The following TMEM131 variants were observed in gnomAD, a reference collection of about 807,000 sequenced individuals.
TMEM131 encodes 2610524E03Rik.
Under a neutral mutation model 211.6 loss-of-function variants are expected in TMEM131, and 66 were observed. That is an observed-to-expected ratio of 0.31 (90% CI 0.26 to 0.38). The LOEUF (loss-of-function observed/expected upper bound fraction) is 0.38, where lower values mean the gene tolerates loss of function less well. Ranked by LOEUF, TMEM131 falls within the 10% of genes least tolerant of loss-of-function variation. The pLI is 1.00. For missense variants in TMEM131, 2,036 were observed against 2,299.3 expected (o/e 0.89, Z 2.34); for synonymous variants, 844 against 841.3 (o/e 1.00, Z -0.06).
intron 1 of TMEM131, among the ~76,000 whole-genome samples, chr2:97,974,968 A>G (rs543776961): frequency 5.1e-4 from 78 of 152,280 alleles, no homozygotes; most frequent in African/African-American, 1.8e-3. Flanking sequence ...ACTACAACCA[A>G]CCTGACTGAC....
At chr2:97,905,961 T>TTA (rs1255511360) in intron 3 of TMEM131, among the ~76,000 whole-genome samples, 1 of 152,172 alleles carries the variant, frequency 6.6e-6, no homozygotes, top group African/African-American at 2.4e-5. Context: ...TCTGATGAGG[T>TTA]TATAAAGCAT....
rs138236542 is a variant in TMEM131, at chr2:97,921,083, T to C, written c.249+6343A>G. On this transcript the variant is annotated intron_variant, in intron 2 of 40. Coordinates refer to ENST00000186436, the MANE Select transcript of TMEM131 (RefSeq NM_015348.2). ...GACATTACTGAGAAGAATAACAAAGTGTCAGGATTTGTTCTACCAAATATC... is the reference window on the plus strand; with the variant it reads ...GACATTACTGAGAAGAATAACAAAGCGTCAGGATTTGTTCTACCAAATATC... Among the ~76,000 whole-genome samples, 1,050 of 152,004 alleles carry C rather than the reference T, an allele frequency of 6.9e-3. 13 individuals are homozygous for C. Among genetic ancestry groups the C allele is most frequent in the South Asian group, 0.028 (134 of 4,820 alleles).
chr2:97,962,482 C>A (rs1678864228), intron 1 of TMEM131, among the ~76,000 whole-genome samples: 3 of 151,982 alleles, frequency 2.0e-5, no homozygotes, highest in Admixed American at 1.3e-4. Flanking sequence ...CCAGCCTGGG[C>A]AACAGAGTGA....
At chr2:97,772,194 T>C (rs773370187) in intron 33 of TMEM131, 103 bp downstream of exon 33, 1 of 1,470,682 alleles carries the variant, frequency 6.8e-7, no homozygotes, top group Non-Finnish European at 9.2e-7. Context: ...TCAACTCCCC[T>C]AAAAGCCAAC....
chr2:97,813,845 G>C, intron 15 of TMEM131, 126 bp downstream of exon 15: 1 of 756,800 alleles, frequency 1.3e-6, no homozygotes, highest in Non-Finnish European at 2.0e-6. Context: ...AACTGACTAG[G>C]AGAATTAGAT....
intron 28 of TMEM131, among the ~76,000 whole-genome samples, chr2:97,795,706 G>A (rs1032480617): frequency 6.6e-6 from 1 of 152,150 alleles, no homozygotes; most frequent in African/African-American, 2.4e-5. Context: ...AGGGACAGAA[G>A]TTGCATTTTA....
chr2:97,841,437 G>T (rs1683187209), intron 7 of TMEM131, among the ~76,000 whole-genome samples: 1 of 152,062 alleles, frequency 6.6e-6, no homozygotes, highest in African/African-American at 2.4e-5. Flanking sequence ...ATTATTTCCA[G>T]AAATAAACTT....
At chr2:97,936,314 G>T (rs1677442916) in intron 1 of TMEM131, among the ~76,000 whole-genome samples, 2 of 152,216 alleles carry the variant, frequency 1.3e-5, no homozygotes, top group Admixed American at 6.5e-5. Context: ...AATCTAGAAG[G>T]TCCTGTGTAC....
intron 12 of TMEM131, among the ~76,000 whole-genome samples, chr2:97,815,995 T>C (rs1681810861): frequency 6.6e-6 from 1 of 152,154 alleles, no homozygotes; most frequent in Admixed American, 6.5e-5. Context: ...TGTCATCATA[T>C]TATATTGTCC....
intron 1 of TMEM131, among the ~76,000 whole-genome samples, chr2:97,931,411 T>C (rs1356578689): frequency 6.6e-6 from 1 of 152,256 alleles, no homozygotes; most frequent in African/African-American, 2.4e-5. Context: ...CTATTTCATT[T>C]AGTTAAGATT....
At chr2:97,883,811 CAATAT>C (rs1455144497) in intron 4 of TMEM131, among the ~76,000 whole-genome samples, 3 of 151,972 alleles carry the variant, frequency 2.0e-5, no homozygotes, top group African/African-American at 7.3e-5. Context: ...GAAGTATGCA[CAATAT>C]ATTGTTATAA....
intron 11 of TMEM131, among the ~76,000 whole-genome samples, chr2:97,820,594 C>T (rs1682067848): frequency 6.6e-6 from 1 of 152,100 alleles, no homozygotes; most frequent in Non-Finnish European, 1.5e-5. Flanking sequence ...CATGGTGACT[C>T]ATGCCTGTAG....
chr2:97,829,572 A>C (rs1299177628), intron 11 of TMEM131, among the ~76,000 whole-genome samples: 1 of 152,196 alleles, frequency 6.6e-6, no homozygotes, highest in Non-Finnish European at 1.5e-5. Context: ...GGAGCCAAAT[A>C]ACGGAATAAA....
At chr2:97,847,450 CAAAG>C (rs1413253646) in intron 5 of TMEM131, among the ~76,000 whole-genome samples, 3 of 152,076 alleles carry the variant, frequency 2.0e-5, no homozygotes, top group African/African-American at 7.2e-5. Flanking sequence ...AACACACACA[CAAAG>C]AAATACTGAG....
chr2:97,834,607 A>G lies in TMEM131; in HGVS notation c.1012+14T>C. 6.6e-7 allele frequency: 1 copy of G among 1,519,640 alleles called. No homozygotes were observed. The highest frequency in any genetic ancestry group is 1.3e-5 in the South Asian group (1 of 78,228). The allele number at this position is 1,519,640 out of a possible 1,614,324, so 94.1% of individuals were successfully genotyped here. A position where few individuals can be genotyped will look rare whatever the true frequency, so the allele number is the denominator to read the frequency against. On this transcript the variant is annotated intron_variant, in intron 10 of 40. Coordinates refer to ENST00000186436, the MANE Select transcript of TMEM131 (RefSeq NM_015348.2). ...AAAAAACTCCATAAAGACTCTTTTA[A>G]AAGATTTTTTTACCTTGTGTTCTTA...
intron 4 of TMEM131, among the ~76,000 whole-genome samples, chr2:97,863,912 G>A (rs112557361): frequency 0.025 from 3,836 of 152,180 alleles, 172 homozygotes; most frequent in African/African-American, 0.088. Flanking sequence ...ATATTGTAGC[G>A]TTTTATGTAC....
At chr2:97,865,327 G>C (rs187950320) in intron 4 of TMEM131, among the ~76,000 whole-genome samples, 7 of 152,360 alleles carry the variant, frequency 4.6e-5, no homozygotes, top group African/African-American at 1.4e-4. Flanking sequence ...ATGTTGAAGA[G>C]AAGTGACAGG....
chr2:97,992,989 T>C (rs959461826), intron 1 of TMEM131, among the ~76,000 whole-genome samples: 36 of 152,188 alleles, frequency 2.4e-4, no homozygotes, highest in African/African-American at 8.4e-4. Context: ...TTAAGTCATA[T>C]AGGATGTTAA....
chr2:97,853,605 T>C (rs1210288430), intron 5 of TMEM131, among the ~76,000 whole-genome samples: 1 of 103,770 alleles, frequency 9.6e-6, no homozygotes, highest in Non-Finnish European at 2.1e-5. Flanking sequence ...GACCCCGTCT[T>C]GGAAAAAAAA....
Sources: allele counts gnomAD v4.1 joint callset (sites outside exome capture counted in the v4.1 genomes callset), GRCh38; gene constraint gnomAD v4.1.1; transcripts MANE v1.5; gene names NCBI Gene and HGNC (gene_info 2026-07-23, HGNC 2026-07-21).